LAMA2: variants seen among roughly 807,000 people sequenced by gnomAD.
The protein encoded by LAMA2 is laminin subunit alpha-2.
A neutral mutation model predicts 364.8 loss-of-function variants in LAMA2; 269 were observed. The ratio of observed to expected loss-of-function variants is 0.74; its 90% confidence interval spans 0.67 to 0.82. The LOEUF is 0.82. Ranked by LOEUF, LAMA2 falls within the 40% of genes least tolerant of loss-of-function variation. LAMA2 has a pLI of 0.00. For synonymous variants in LAMA2, 1,379 were observed against 1,370.6 expected, an observed-to-expected ratio of 1.01 and a Z score of -0.14; for missense variants, 3,807 against 3,873.2, an observed-to-expected ratio of 0.98 and a Z score of 0.45.
intron 40 of LAMA2, among the ~76,000 whole-genome samples, chr6:129,413,056 G>A (rs1203100596): frequency 6.6e-6 from 1 of 152,194 alleles, no homozygotes; most frequent in East Asian, 1.9e-4. Flanking sequence ...GTCTATGTAT[G>A]ACTTACACAA....
At chr6:129,267,872 T>G (rs1787623583) in intron 16 of LAMA2, among the ~76,000 whole-genome samples, 1 of 152,096 alleles carries the variant, frequency 6.6e-6, no homozygotes, top group African/African-American at 2.4e-5. Flanking sequence ...GAATAGACCA[T>G]TCTGATTAAC....
chr6:129,262,081 T>C (rs976072128), intron 15 of LAMA2, among the ~76,000 whole-genome samples: 3 of 152,156 alleles, frequency 2.0e-5, no homozygotes, highest in African/African-American at 7.2e-5. Context: ...ATCCTTTGCA[T>C]TATCTTTTAT....
At chr6:129,028,125 G>A (rs1785963308) in intron 1 of LAMA2, among the ~76,000 whole-genome samples, 1 of 151,822 alleles carries the variant, frequency 6.6e-6, no homozygotes, top group African/African-American at 2.4e-5. Flanking sequence ...GAAAAACAAG[G>A]ATAAGAATTA....
At chr6:129,256,712 ATGTT>A (rs1293160782) in intron 14 of LAMA2, among the ~76,000 whole-genome samples, 2 of 147,770 alleles carry the variant, frequency 1.4e-5, no homozygotes, top group Non-Finnish European at 3.0e-5. Context: ...GGGATTGAAA[ATGTT>A]TAAAGAAAAT....
chr6:129,379,275 A>G (rs893849452), intron 34 of LAMA2, among the ~76,000 whole-genome samples: 3 of 151,948 alleles, frequency 2.0e-5, no homozygotes, highest in Non-Finnish European at 4.4e-5. Flanking sequence ...ACTGGGCTTA[A>G]TACCTGGGTG....
At chr6:128,890,223 G>A (rs78386187) in intron 1 of LAMA2, among the ~76,000 whole-genome samples, 3,585 of 152,180 alleles carry the variant, frequency 0.024, 127 homozygotes, top group African/African-American at 0.083. Context: ...ATTTACTTAC[G>A]TAGCAGAGCT....
intron 1 of LAMA2, among the ~76,000 whole-genome samples, chr6:128,962,185 T>TATATATATTTACACACACAC (rs1214826895): frequency 1.9e-5 from 2 of 103,918 alleles, no homozygotes; most frequent in African/African-American, 7.4e-5. Flanking sequence ...TATATATATA[T>TATATATATTTACACACACAC]ACACACATAC....
chr6:128,932,387 A>C lies in LAMA2; in HGVS notation c.112+49030A>C, dbSNP rs549383160. Among the ~76,000 whole-genome samples the C allele has an allele frequency of 2.4e-4, 36 of 152,344 alleles. No homozygotes were observed. In the South Asian group the frequency reaches 7.5e-3, roughly 32 times the overall value. ...ACAAGTGTTTACTGAAAGCTTACTG[A>C]TACCCAGACCTTAAACTGTTACCAA... On this transcript the variant is annotated intron_variant, in intron 1 of 64. Transcript: ENST00000421865.
chr6:129,065,576 A>G (rs1789241084), intron 3 of LAMA2, among the ~76,000 whole-genome samples: 2 of 152,228 alleles, frequency 1.3e-5, no homozygotes, highest in Admixed American at 6.5e-5. Flanking sequence ...TACAAAATCA[A>G]TATACTAAAA....
At chr6:129,111,004 A>C (rs1562247514) in intron 4 of LAMA2, among the ~76,000 whole-genome samples, 2 of 152,190 alleles carry the variant, frequency 1.3e-5, no homozygotes, top group Non-Finnish European at 1.5e-5. Flanking sequence ...CTATTAAAAT[A>C]AGCTTCTTAT....
At chr6:129,017,492 CAG>C (rs56886938) in intron 1 of LAMA2, among the ~76,000 whole-genome samples, 93,007 of 151,616 alleles carry the variant, frequency 0.61, 30,602 homozygotes, top group East Asian at 0.96. Context: ...TCATCTCTGT[CAG>C]ATACGACAGG....
At chr6:129,320,096 A>G (rs1000445744) in intron 27 of LAMA2, among the ~76,000 whole-genome samples, 6 of 151,970 alleles carry the variant, frequency 3.9e-5, no homozygotes, top group African/African-American at 1.4e-4. Context: ...TTATGCCACT[A>G]CACTCCAGCC....
chr6:128,964,584 T>C (rs905538283), intron 1 of LAMA2, among the ~76,000 whole-genome samples: 5 of 152,096 alleles, frequency 3.3e-5, no homozygotes, highest in Non-Finnish European at 7.4e-5. Context: ...AAGAATGGGT[T>C]TGAATCTAAG....
intron 21 of LAMA2, 97 bp from the exon 22 acceptor site, chr6:129,300,639 G>A: frequency 7.7e-7 from 1 of 1,302,576 alleles, no homozygotes; most frequent in South Asian, 1.2e-5. Context: ...GAACTGAAAA[G>A]AAAATAAGAC....
chr6:129,442,273 C>T (rs1782157803), intron 43 of LAMA2: 1 of 1,250,850 alleles, frequency 8.0e-7, no homozygotes, highest in Non-Finnish European at 1.1e-6. Flanking sequence ...AATACGACTC[C>T]TTCATGAGCA....
intron 1 of LAMA2, among the ~76,000 whole-genome samples, chr6:128,883,909 G>GT (rs1196224219): frequency 1.3e-5 from 2 of 149,940 alleles, no homozygotes; most frequent in East Asian, 2.0e-4. Context: ...AAGTTATGTG[G>GT]TTTTTTTTCT....
At chr6:129,492,175 A>G in intron 57 of LAMA2, 98 bp downstream of exon 57, 1 of 1,397,460 alleles carries the variant, frequency 7.2e-7, no homozygotes, top group East Asian at 2.3e-5. Context: ...TATGCAGGGG[A>G]GGAGGGAAAC....
At chr6:129,406,585 TA>T (rs571039332) in intron 40 of LAMA2, among the ~76,000 whole-genome samples, 77 of 152,302 alleles carry the variant, frequency 5.1e-4, no homozygotes, top group African/African-American at 1.8e-3. Context: ...TGGACATCAG[TA>T]ATTTTTTCTC....
intron 29 of LAMA2, among the ~76,000 whole-genome samples, chr6:129,334,475 G>C (rs1775832905): frequency 6.6e-6 from 1 of 152,108 alleles, no homozygotes; most frequent in Non-Finnish European, 1.5e-5. Context: ...TTATGATAAT[G>C]ATGATCATAA....
Sources: allele counts gnomAD v4.1 joint callset (sites outside exome capture counted in the v4.1 genomes callset), GRCh38; gene constraint gnomAD v4.1.1; transcripts MANE v1.5; gene names NCBI Gene and HGNC (gene_info 2026-07-23, HGNC 2026-07-21).